The following KLHDC4 variants were observed in gnomAD, a reference collection of about 807,000 sequenced individuals.
KLHDC4 encodes the protein kelch domain containing 4.
KLHDC4 carries 90 observed loss-of-function variants against 62.4 expected under a neutral mutation model. The ratio of observed to expected loss-of-function variants is 1.44; its 90% CI spans 1.22 to 1.72. KLHDC4 has a LOEUF of 1.72. Ranked by LOEUF, KLHDC4 falls within the 40% of genes most tolerant of loss-of-function variation. The pLI, the probability that KLHDC4 is intolerant of heterozygous loss-of-function variation, is 0.00. For missense variants in KLHDC4, 1,025 were observed against 699.7 expected (o/e 1.47, Z -5.25); for synonymous variants, 386 against 284.4 (o/e 1.36, Z -3.59).
chr16:87,732,638 C>A (rs954121891), intron 5 of KLHDC4, among the ~76,000 whole-genome samples: 3 of 152,144 alleles, frequency 2.0e-5, no homozygotes, highest in African/African-American at 7.2e-5. Context: ...GCAGAGATAC[C>A]ATTTTATTCT....
chr16:87,745,645 G>A (rs574656006), intron 5 of KLHDC4, among the ~76,000 whole-genome samples: 240 of 152,336 alleles, frequency 1.6e-3, no homozygotes, highest in Non-Finnish European at 1.9e-3. Flanking sequence ...GTCACCGCAA[G>A]AGAAGCGTTC....
At position 87,756,321 on chromosome 16, in the gene KLHDC4, T is replaced by A. The variant is rs936249937; in HGVS notation, c.270+78A>T. The A allele has an allele frequency of 2.8e-6, 3 of 1,087,002 alleles. No individual in the cohort carries two copies. In the East Asian group the frequency reaches 7.1e-5, roughly 26 times the overall value. 67.3% of individuals were successfully genotyped at this position (1,087,002 alleles called of 1,614,324 possible). A position where few individuals can be genotyped will look rare whatever the true frequency, so the allele number is the denominator to read the frequency against. Reference sequence around the variant, plus strand: ...GGTGAAGGGGCTAACGCATATTTGATGTCACTGCCTTAAGTTAACTTTCTG... The same window carrying A: ...GGTGAAGGGGCTAACGCATATTTGAAGTCACTGCCTTAAGTTAACTTTCTG... On this transcript the variant is annotated intron_variant, in intron 3 of 11. Coordinates refer to ENST00000270583, the MANE Select transcript of KLHDC4 (RefSeq NM_017566.4).
chr16:87,762,214 G>C (rs1443512802), intron 1 of KLHDC4, 174 bp from the exon 2 acceptor site: 1 of 1,359,108 alleles, frequency 7.4e-7, no homozygotes, highest in South Asian at 1.5e-5. Flanking sequence ...AAAGTAACCA[G>C]AGCTTGACCT....
chr16:87,736,590 G>C (rs1567751298), intron 5 of KLHDC4, among the ~76,000 whole-genome samples: 1 of 152,118 alleles, frequency 6.6e-6, no homozygotes, highest in East Asian at 1.9e-4. Flanking sequence ...CGAGTATCAA[G>C]TCCATCAAAT....
At chr16:87,742,731 A>T (rs2042413641) in intron 5 of KLHDC4, among the ~76,000 whole-genome samples, 1 of 152,080 alleles carries the variant, frequency 6.6e-6, no homozygotes. Context: ...GAGTACGAAG[A>T]CTTGAGAACC....
At position 87,711,328 on chromosome 16, in the gene KLHDC4, G is replaced by A. The variant is rs533314391; in HGVS notation, c.951C>T (p.Asp317=). Residue 317 remains aspartate, a synonymous_variant, in exon 9 of 12, where the codon GAC becomes GAT. Transcript: ENST00000270583. The stretch of plus-strand genomic sequence containing the variant: ...CCGACAGGCTCTCCTCCTCTTCCTC[G>A]TCACAGACACCCCCGAAGAACAGTG... ...HQTLFFGGVC[D]EEEEESLSGE... 2.5e-5 allele frequency: 41 copies of A among 1,614,022 alleles called. No individual in the cohort carries two copies. The highest frequency in any genetic ancestry group is 1.7e-4 in the African/African-American group (13 of 75,036).
chr16:87,716,711 A>G lies in KLHDC4; in HGVS notation c.760-2138T>C, dbSNP rs9923804. 5.3e-3 allele frequency among the ~76,000 whole-genome samples: 812 copies of G among 152,220 alleles called. 4 individuals are homozygous for G. Among genetic ancestry groups the G allele is most frequent in the African/African-American group, 0.018 (761 of 41,542 alleles). On this transcript the variant is annotated intron_variant, in intron 7 of 11. Transcript: ENST00000270583. ...TTCAGGAGGCCGAGGGGGGTAGACC[A>G]TGAGGTCAGGAGATCAAGACTAATC...
At chr16:87,723,377 C>T (rs1013648619) in intron 7 of KLHDC4, among the ~76,000 whole-genome samples, 1 of 152,242 alleles carries the variant, frequency 6.6e-6, no homozygotes, top group Non-Finnish European at 1.5e-5. Flanking sequence ...GGCGGGTGCA[C>T]GTGGCTGCAG....
intron 6 of KLHDC4, among the ~76,000 whole-genome samples, chr16:87,729,986 C>T (rs942478718): frequency 4.6e-5 from 7 of 152,208 alleles, no homozygotes; most frequent in Admixed American, 3.3e-4. Context: ...CGAAGTCTCG[C>T]TTTGTCACCC....
At chr16:87,764,646 C>CAAAAAAAAAAAA (rs564692904) in intron 1 of KLHDC4, among the ~76,000 whole-genome samples, 1 of 33,818 alleles carries the variant, frequency 3.0e-5, no homozygotes, top group Non-Finnish European at 5.3e-5. Flanking sequence ...GAAACTCCTT[C>CAAAAAAAAAAAA]AAAAAAAAAA....
Position 87,726,839 on chromosome 16 carries a change from T to C in KLHDC4, c.685A>G (p.Thr229Ala), listed in dbSNP as rs74931760. 11,671 of 1,612,564 alleles carry C rather than the reference T, an allele frequency of 7.2e-3. 526 individuals are homozygous for C. The African/African-American group carries it at 0.11, about 16-fold the overall frequency. ...GACATCTGGCAGCCTGATCTGGGTG[T>C]GGGCCCCGTCCCTGACGGGGACAGC... ...SKLSPSGTGP[T>A]PRSGCQMSVT... is the part of the protein sequence containing the mutation. The change falls in exon 7 of 12, where the codon ACA becomes GCA. Residue 229 changes from threonine to alanine, a missense_variant. Thr to Ala is a moderately conservative substitution (Grantham distance 58, BLOSUM62 0). Transcript: ENST00000270583.
intron 5 of KLHDC4, among the ~76,000 whole-genome samples, chr16:87,735,420 A>T (rs2041145354): frequency 6.6e-6 from 1 of 152,044 alleles, no homozygotes; most frequent in Admixed American, 6.5e-5. Flanking sequence ...GAGGGAACAC[A>T]GGCCTGGGGC....
At chr16:87,725,516 C>T (rs1257680228) in intron 7 of KLHDC4, among the ~76,000 whole-genome samples, 3 of 152,096 alleles carry the variant, frequency 2.0e-5, no homozygotes, top group Admixed American at 6.6e-5. Context: ...TACAGGTGTT[C>T]CCCGTAAAAT....
Position 87,726,944 on chromosome 16 carries a change from C to G in KLHDC4, c.600-20G>C, listed in dbSNP as rs750673339. On this transcript the variant is annotated intron_variant, in intron 6 of 11. Transcript: ENST00000270583. ...TAATCCCTGGTTAGAAGAACAGCAG[C>G]TGTCAGGGTCCGTAACATTGGGAAA... is the stretch of plus-strand genomic sequence containing the variant. The G allele has an allele frequency of 6.2e-7, 1 of 1,612,700 alleles. No individual in the cohort carries two copies. The highest frequency in any genetic ancestry group is 1.3e-5 in the African/African-American group (1 of 74,812).
At position 87,756,450 on chromosome 16, in the gene KLHDC4, A is replaced by G. The variant is rs1375316873; in HGVS notation, c.219T>C (p.Pro73=). 12 of 1,614,010 alleles carry G rather than the reference A, an allele frequency of 7.4e-6. No individual in the cohort carries two copies. The highest frequency in any genetic ancestry group is 4.5e-5 in the East Asian group (2 of 44,886). ...PRLNASLSVH[P]EKDELILFGG... Reference sequence around the variant, plus strand: ...CAAAAAGGATTAACTCATCTTTCTCAGGATGAACCGAGAGGGAGGCATTTA... The same window carrying G: ...CAAAAAGGATTAACTCATCTTTCTCGGGATGAACCGAGAGGGAGGCATTTA... The change falls in exon 3 of 12, where the codon CCT becomes CCC. Residue 73 remains proline, a synonymous_variant. Transcript: ENST00000270583.
rs753402729 is a variant in KLHDC4 at position 87,711,309 on chromosome 16, G to C, written c.970C>G (p.Leu324Val). ...AGATCGTTGAAGAACTCGCCCGACA[G>C]GCTCTCCTCCTCTTCCTCGTCACAG... The part of the protein sequence containing the change: ...GVCDEEEEES[L>V]SGEFFNDLYF... The change falls in exon 9 of 12, where the codon CTG (leucine) becomes GTG (valine). Residue 324 changes from leucine (L) to valine (V), a missense_variant. Leu to Val is a conservative substitution (Grantham distance 32). Coordinates refer to ENST00000270583, the MANE Select transcript of KLHDC4 (RefSeq NM_017566.4). The C allele has an allele frequency of 6.2e-7, 1 of 1,614,138 alleles. No homozygotes were observed. Among genetic ancestry groups the C allele is most frequent in the South Asian group, 1.1e-5 (1 of 91,080 alleles).
At chr16:87,723,406 G>C (rs1480004995) in intron 7 of KLHDC4, among the ~76,000 whole-genome samples, 2 of 152,382 alleles carry the variant, frequency 1.3e-5, no homozygotes, top group East Asian at 3.9e-4. Context: ...TGCTGAGAAT[G>C]ACACGCGACT....
intron 5 of KLHDC4, among the ~76,000 whole-genome samples, chr16:87,737,620 C>G (rs908648002): frequency 1.3e-5 from 2 of 148,588 alleles, no homozygotes. Flanking sequence ...GACAGTCTCG[C>G]TCTGTCACCC....
At chr16:87,707,746 CG>C (rs1054231097), downstream of KLHDC4, 15 of 311,142 alleles carry the variant, frequency 4.8e-5, no homozygotes, top group African/African-American at 3.1e-4. Flanking sequence ...AGCCCTGGCC[CG>C]GGGCAGAGGC....
Sources: gnomAD v4.1 joint callset for allele counts (sites outside exome capture counted in the v4.1 genomes callset) on GRCh38, gnomAD v4.1.1 for gene constraint, MANE v1.5 for transcripts, NCBI Gene and HGNC (gene_info 2026-07-23, HGNC 2026-07-21) for gene names.